Variants in PARVG observed in about 807,000 individuals in gnomAD.
PARVG encodes parvin gamma, also known as gamma-parvin.
PARVG carries 36 observed loss-of-function variants against 44.4 expected under a neutral mutation model. The ratio of observed to expected loss-of-function variants is 0.81; its 90% confidence interval spans 0.62 to 1.07. The LOEUF (loss-of-function observed/expected upper bound fraction) is 1.07. Among genes scored for constraint, PARVG ranks in the 50% least tolerant of loss-of-function variants. PARVG has a pLI of 0.00. For synonymous variants in PARVG, 170 were observed against 174.1 expected (o/e 0.98, Z 0.19); for missense variants, 407 against 407.4 (o/e 1.00, Z 0.01).
chr22:44,176,719 G>T (rs2054322434), upstream of PARVG, among the ~76,000 whole-genome samples: 1 of 151,858 alleles, frequency 6.6e-6, no homozygotes, highest in African/African-American at 2.4e-5. Context: ...ACTACAAAGA[G>T]TTCCTATGTG....
intron 7 of PARVG, among the ~76,000 whole-genome samples, chr22:44,190,984 C>T (rs918220900): frequency 3.3e-5 from 5 of 152,204 alleles, no homozygotes; most frequent in African/African-American, 1.2e-4. Context: ...TATCCCTGAG[C>T]CATGCGTGGC....
upstream of PARVG, among the ~76,000 whole-genome samples, chr22:44,177,098 T>C (rs1187229722): frequency 6.6e-6 from 1 of 152,174 alleles, no homozygotes. Flanking sequence ...TCACTATGTT[T>C]ACCTGGAGAC....
intron 9 of PARVG, among the ~76,000 whole-genome samples, chr22:44,194,846 T>C (rs2748871): frequency 0.29 from 43,103 of 149,830 alleles, 6,469 homozygotes; most frequent in Admixed American, 0.42. Context: ...TCCATCCATC[T>C]ATCCATCCAT....
At chr22:44,192,859 G>T (rs1475926815) in intron 8 of PARVG, among the ~76,000 whole-genome samples, 1 of 152,260 alleles carries the variant, frequency 6.6e-6, no homozygotes, top group Non-Finnish European at 1.5e-5. Flanking sequence ...GAGCAGAACA[G>T]GTGGGGCCTG....
chr22:44,182,928 A>G lies in PARVG; in HGVS notation c.-12-390A>G. The G allele has an allele frequency of 1.1e-5, 2 of 185,438 alleles. No homozygotes were observed. The highest frequency in any genetic ancestry group is 2.3e-4 in the South Asian group (2 of 8,836). 11.5% of individuals were successfully genotyped at this position (185,438 alleles called of 1,614,324 possible). ...ACCGGGGAGGTTTCCCTTGAGCTCA[A>G]CCTGACAAGCTCTGAGGAGTGAGCT... On this transcript the variant is annotated intron_variant, in intron 2 of 13. Coordinates refer to ENST00000444313, the MANE Select transcript of PARVG (RefSeq NM_022141.7). The surrounding 1 kb of genome is among the most constrained non-coding windows in gnomAD (Gnocchi z 4.6).
chr22:44,181,374 G>C, intron 1 of PARVG, 189 bp downstream of exon 1: 3 of 985,586 alleles, frequency 3.0e-6, no homozygotes, highest in Non-Finnish European at 3.6e-6. Flanking sequence ...AGTCCAGGTA[G>C]GAGTCTCCTG....
intron 1 of PARVG, among the ~76,000 whole-genome samples, chr22:44,175,557 C>T (rs2054311109): frequency 6.6e-6 from 1 of 152,232 alleles, no homozygotes; most frequent in Admixed American, 6.5e-5. Context: ...TCATCATCTT[C>T]ACCAGGGTGA....
chr22:44,187,853 C>T lies in PARVG; in HGVS notation c.222C>T (p.Asp74=), dbSNP rs372962148. Residue 74 remains aspartate (D), a synonymous_variant, in exon 5 of 14, where the codon GAC becomes GAT. Transcript: ENST00000444313. The stretch of plus-strand genomic sequence containing the variant: ...GCAGCCTGGAGGAGGACATGTTCGA[C>T]GGGCTCATCCTACACCACCTATTCC... ...VVRSLEEDMF[D]GLILHHLFQR... 33 of 1,614,140 alleles carry T rather than the reference C, an allele frequency of 2.0e-5. No individual in the cohort carries two copies. In the African/African-American group the frequency reaches 2.7e-4, roughly 13 times the overall value.
rs375861729 is a variant in PARVG, at chr22:44,206,301, C to G, written c.887-16C>G. On this transcript the variant is annotated splice_polypyrimidine_tract_variant and intron_variant, in intron 13 of 13. Transcript: ENST00000444313. ...CCCAGGCCTGACTGGCTGCCCTGCC[C>G]TCCTTTGGCCCGCAGATATCGTGAA... The G allele has an allele frequency of 1.4e-5, 22 of 1,598,856 alleles. No individual in the cohort carries two copies. Among genetic ancestry groups the G allele is most frequent in the Middle Eastern group, 3.3e-4 (2 of 6,048 alleles).
At chr22:44,196,609 G>GA (rs891942779) in intron 11 of PARVG, among the ~76,000 whole-genome samples, 194 bp downstream of exon 11, 2 of 151,884 alleles carry the variant, frequency 1.3e-5, no homozygotes, top group African/African-American at 4.8e-5. Flanking sequence ...GGGATCCCGG[G>GA]GGTGGAGGTG....
At chr22:44,176,269 C>G (rs1334970458), upstream of PARVG, among the ~76,000 whole-genome samples, 1 of 152,210 alleles carries the variant, frequency 6.6e-6, no homozygotes, top group Non-Finnish European at 1.5e-5. Context: ...CGCACATCCT[C>G]CTGCATACTT....
rs1435303121 is a variant in PARVG, at chr22:44,183,342, T to C, written c.13T>C (p.Phe5Leu). 1 of 1,609,628 alleles carries C rather than the reference T, an allele frequency of 6.2e-7. No homozygotes were observed. The highest frequency in any genetic ancestry group is 1.3e-5 in the African/African-American group (1 of 74,926). Residue 5 changes from phenylalanine (F) to leucine (L), a missense_variant, in exon 3 of 14, where the codon TTC becomes CTC. Physicochemically the swap from Phe to Leu is conservative, Grantham distance 22. Coordinates refer to ENST00000444313, the MANE Select transcript of PARVG (RefSeq NM_022141.7). Reference protein sequence around the residue: MEPEFLYDLLQLPKG... With the variant: MEPELLYDLLQLPKG... ...GGCTTGGGAGGCGATGGAGCCGGAG[T>C]TCTTGTACGACCTGCTGCAGCTCCC...
At chr22:44,185,960 C>A in intron 4 of PARVG, 88 bp downstream of exon 4, 2 of 1,341,124 alleles carry the variant, frequency 1.5e-6, no homozygotes, top group South Asian at 2.5e-5. Flanking sequence ...AGCAGGCTGT[C>A]CCCACTCCTT....
chr22:44,173,411 C>G (rs2054289060), intron 1 of PARVG, among the ~76,000 whole-genome samples: 2 of 152,098 alleles, frequency 1.3e-5, no homozygotes, highest in Admixed American at 1.3e-4. Flanking sequence ...GCCCTCCGTG[C>G]TGGCCCTGCC....
chr22:44,205,483 G>A (rs747355373), intron 12 of PARVG, among the ~76,000 whole-genome samples: 2 of 152,218 alleles, frequency 1.3e-5, no homozygotes, highest in East Asian at 1.9e-4. Context: ...GCCCCTGGAC[G>A]CAAGCGTGTG....
intron 12 of PARVG, among the ~76,000 whole-genome samples, chr22:44,199,083 A>G (rs1487664164): frequency 6.6e-6 from 1 of 150,432 alleles, no homozygotes; most frequent in Non-Finnish European, 1.5e-5. Context: ...CCCACCATCT[A>G]TGCACCCATC....
intron 7 of PARVG, 59 bp downstream of exon 7, chr22:44,190,725 G>A: frequency 7.1e-7 from 1 of 1,409,770 alleles, no homozygotes; most frequent in South Asian, 1.1e-5. Context: ...GGCCCCCATT[G>A]CCGTACCCTG....
intron 3 of PARVG, 67 bp downstream of exon 3, chr22:44,183,475 GCCTGGGACTTGCAGCACCTTC>G: frequency 7.0e-7 from 1 of 1,428,090 alleles, no homozygotes; most frequent in Non-Finnish European, 9.3e-7. Flanking sequence ...GCCTGGCCAT[GCCTGGGACTTGCAGCACCTTC>G]CCAGCTGTCA....
intron 8 of PARVG, among the ~76,000 whole-genome samples, chr22:44,193,361 C>T (rs1280432442): frequency 2.6e-5 from 4 of 152,070 alleles, no homozygotes; most frequent in South Asian, 2.1e-4. Flanking sequence ...CAAGAGAAAT[C>T]GCAGCTGTGG....
Sources: gnomAD v4.1 joint callset for allele counts (sites outside exome capture counted in the v4.1 genomes callset) on GRCh38, gnomAD v4.1.1 for gene constraint, Gnocchi (gnomAD v3.1) non-coding constraint, MANE v1.5 for transcripts, NCBI Gene and HGNC (gene_info 2026-07-23, HGNC 2026-07-21) for gene names.